The following TPRG1 variants were observed in gnomAD, a reference collection of about 807,000 sequenced individuals.
The protein encoded by TPRG1 is tumor protein p63-regulated gene 1 protein.
TPRG1 carries 29 observed loss-of-function variants against 29.3 expected under a neutral mutation model. The ratio of observed to expected loss-of-function variants is 0.99; its 90% confidence interval spans 0.74 to 1.35. The LOEUF (loss-of-function observed/expected upper bound fraction) is 1.35. TPRG1 is among the 40% of genes most tolerant of loss of function. The pLI, the probability that TPRG1 is intolerant of heterozygous loss-of-function variation, is 0.00. For missense variants in TPRG1, 327 were observed against 335.0 expected, an observed-to-expected ratio of 0.98 and a Z score of 0.19; for synonymous variants, 130 against 116.8, an observed-to-expected ratio of 1.11 and a Z score of -0.73.
chr3:189,188,883 C>T (rs765504644), intron 1 of TPRG1, among the ~76,000 whole-genome samples: 13 of 152,160 alleles, frequency 8.5e-5, no homozygotes, highest in Non-Finnish European at 1.6e-4. Context: ...CAGTTATCTG[C>T]GTACAGAAAA....
At chr3:189,133,706 T>G (rs1403397890) in intron 3 of TPRG1, among the ~76,000 whole-genome samples, 1 of 152,240 alleles carries the variant, frequency 6.6e-6, no homozygotes, top group Non-Finnish European at 1.5e-5. Context: ...AGTATCTTTA[T>G]AGCAGTGTGA....
chr3:189,244,785 G>A (rs550006100), intron 4 of TPRG1, among the ~76,000 whole-genome samples: 3 of 152,110 alleles, frequency 2.0e-5, no homozygotes, highest in Non-Finnish European at 4.4e-5. Context: ...CCATATCAGT[G>A]ATCTGTGTCT....
At chr3:189,042,514 T>G (rs1714696896) in intron 4 of TPRG1, among the ~76,000 whole-genome samples, 1 of 152,184 alleles carries the variant, frequency 6.6e-6, no homozygotes, top group Admixed American at 6.5e-5. Flanking sequence ...AAATACTTTT[T>G]GAATGAAGAG....
At chr3:189,262,604 A>G (rs16864154) in intron 4 of TPRG1, among the ~76,000 whole-genome samples, 2,007 of 152,296 alleles carry the variant, frequency 0.013, 44 homozygotes, top group African/African-American at 0.046. Flanking sequence ...TAAAATTACA[A>G]AAGTGGAAAG....
At chr3:189,126,226 A>G (rs1038447620) in intron 1 of TPRG1, among the ~76,000 whole-genome samples, 5 of 152,150 alleles carry the variant, frequency 3.3e-5, no homozygotes, top group Admixed American at 6.5e-5. Context: ...AAATAAGTCA[A>G]TTTGACTCAG....
At chr3:189,123,281 A>G (rs1722046606) in intron 1 of TPRG1, among the ~76,000 whole-genome samples, 1 of 152,222 alleles carries the variant, frequency 6.6e-6, no homozygotes. Flanking sequence ...ACATCAGTAC[A>G]TGTTCCCTTT....
intron 5 of TPRG1, among the ~76,000 whole-genome samples, chr3:189,165,396 C>T (rs1403764551): frequency 6.7e-5 from 7 of 104,062 alleles, no homozygotes; most frequent in South Asian, 3.9e-4. Flanking sequence ...ATGACTGTCA[C>T]GATAGATGGA....
At chr3:189,039,939 C>T (rs1714525787) in intron 4 of TPRG1, among the ~76,000 whole-genome samples, 1 of 152,050 alleles carries the variant, frequency 6.6e-6, no homozygotes, top group Non-Finnish European at 1.5e-5. Context: ...GGAATTCTTC[C>T]TACAAACATG....
intron 2 of TPRG1, 101 bp downstream of exon 2, chr3:189,207,695 T>C (rs1734617731): frequency 1.8e-6 from 2 of 1,087,396 alleles, no homozygotes; most frequent in Non-Finnish European, 2.7e-6. Flanking sequence ...CTCACATTTG[T>C]CTCATGTAAT....
intron 3 of TPRG1, 59 bp downstream of exon 3, chr3:189,215,442 T>A: frequency 7.3e-7 from 1 of 1,378,526 alleles, no homozygotes; most frequent in Non-Finnish European, 1.0e-6. Context: ...TTGACATCAC[T>A]GTAGCAGAAT....
intron 2 of TPRG1, among the ~76,000 whole-genome samples, chr3:189,132,179 A>C (rs1398321105): frequency 1.3e-5 from 2 of 152,162 alleles, no homozygotes; most frequent in South Asian, 4.1e-4. Flanking sequence ...AGTGAGCCCA[A>C]AAGAAAGGTC....
chr3:189,282,139 G>A (rs1717249022), intron 4 of TPRG1, among the ~76,000 whole-genome samples: 2 of 136,468 alleles, frequency 1.5e-5, no homozygotes, highest in Non-Finnish European at 3.0e-5. Context: ...CCTTGGCTGA[G>A]GTTTTTAAAT....
intron 4 of TPRG1, among the ~76,000 whole-genome samples, chr3:189,046,735 A>G (rs1715001716): frequency 6.6e-6 from 1 of 152,232 alleles, no homozygotes; most frequent in African/African-American, 2.4e-5. Context: ...TTCTTTTTAA[A>G]AAGTTTTAAG....
chr3:189,239,120 C>A (rs562548679), intron 4 of TPRG1, among the ~76,000 whole-genome samples: 2 of 152,300 alleles, frequency 1.3e-5, no homozygotes, highest in Admixed American at 1.3e-4. Context: ...CGTTTTCACA[C>A]TGCTCATAAA....
intron 2 of TPRG1, among the ~76,000 whole-genome samples, chr3:189,130,218 A>G (rs1031734022): frequency 6.6e-6 from 1 of 152,232 alleles, no homozygotes; most frequent in Non-Finnish European, 1.5e-5. Flanking sequence ...ATGTTGGGTT[A>G]TAAGCACCAT....
intron 5 of TPRG1, among the ~76,000 whole-genome samples, chr3:189,316,591 CA>C (rs1723564101): frequency 6.6e-6 from 1 of 152,166 alleles, no homozygotes; most frequent in Non-Finnish European, 1.5e-5. Flanking sequence ...GCACCTAAAG[CA>C]AACCTGTGGA....
At chr3:189,177,115 A>T (rs989899214) in intron 1 of TPRG1, among the ~76,000 whole-genome samples, 8 of 152,312 alleles carry the variant, frequency 5.3e-5, no homozygotes, top group South Asian at 2.1e-4. Context: ...CTGGTTGTGC[A>T]GGAATGAGAA....
intron 4 of TPRG1, among the ~76,000 whole-genome samples, chr3:189,280,240 C>T (rs866955281): frequency 6.1e-4 from 92 of 150,546 alleles, no homozygotes; most frequent in African/African-American, 2.1e-3. Context: ...TGAATGAATG[C>T]ACCTGTGGAT....
chr3:189,236,346 C>T (rs2108929651), intron 3 of TPRG1, among the ~76,000 whole-genome samples: 1 of 152,246 alleles, frequency 6.6e-6, no homozygotes, highest in South Asian at 2.1e-4. Flanking sequence ...TAAAACAAGT[C>T]TGGTTTATTA....
Sources: allele counts gnomAD v4.1 joint callset (sites outside exome capture counted in the v4.1 genomes callset), GRCh38; gene constraint gnomAD v4.1.1; transcripts MANE v1.5; gene names NCBI Gene and HGNC (gene_info 2026-07-23, HGNC 2026-07-21).